Variants in CCDC6 observed in about 807,000 individuals in gnomAD.
The protein encoded by CCDC6 is coiled-coil domain containing 6.
A neutral mutation model predicts 56.6 loss-of-function variants in CCDC6; 20 were observed. That is an observed-to-expected ratio of 0.35 (90% confidence interval 0.25 to 0.51). The LOEUF is 0.51. CCDC6 is among the 20% of genes least tolerant of loss of function. The probability of loss-of-function intolerance (pLI) is 0.95; values close to 1 mark genes in which losing one functional copy is unlikely to be tolerated. For synonymous variants in CCDC6, 241 were observed against 234.4 expected, an observed-to-expected ratio of 1.03 and a Z score of -0.26; for missense variants, 367 against 601.1, an observed-to-expected ratio of 0.61 and a Z score of 4.07.
chr10:59,837,779 A>C (rs79758510), intron 2 of CCDC6, among the ~76,000 whole-genome samples: 39,333 of 140,022 alleles, frequency 0.28, 6,142 homozygotes, highest in Non-Finnish European at 0.36. Flanking sequence ...AAGAAAGAAG[A>C]AGAAGCTTGA....
chr10:59,856,341 T>C (rs1470322817), intron 1 of CCDC6, among the ~76,000 whole-genome samples: 2 of 108,354 alleles, frequency 1.8e-5, no homozygotes, highest in East Asian at 4.3e-4. Flanking sequence ...AATACAGCCT[T>C]AGGTAAAAAA....
At position 59,905,976 on chromosome 10, in the gene CCDC6, G is replaced by A. The variant is rs891179396; in HGVS notation, c.303+146C>T. On this transcript the variant is annotated intron_variant, in intron 1 of 8. Coordinates refer to ENST00000263102, the MANE Select transcript of CCDC6 (RefSeq NM_005436.5). ...CGAAGGGATACCTCCCTCTCCTCCC[G>A]GAAGCCAGCAGGTCCCCGCAGGGAG... The A allele has an allele frequency of 5.7e-6, 4 of 701,836 alleles. No homozygotes were observed. In the Admixed American group the frequency reaches 9.2e-5, roughly 16 times the overall value. 43.5% of individuals were successfully genotyped at this position (701,836 alleles called of 1,614,324 possible). A position where few individuals can be genotyped will look rare whatever the true frequency, so the allele number is the denominator to read the frequency against.
chr10:59,898,221 C>T (rs1254404537), intron 1 of CCDC6, among the ~76,000 whole-genome samples: 1 of 152,152 alleles, frequency 6.6e-6, no homozygotes, highest in Non-Finnish European at 1.5e-5. Context: ...TTTCCATGTA[C>T]TGACAGATGC....
intron 1 of CCDC6, among the ~76,000 whole-genome samples, chr10:59,859,190 ATGTGTGTGCGTGTGTGTGTGTGTG>A (rs2071103996): frequency 1.2e-5 from 1 of 83,988 alleles, no homozygotes; most frequent in Non-Finnish European, 2.1e-5. Flanking sequence ...AAAAAAATAC[ATGTGTGTGCGTGTGTGTGTGTGTG>A]TGTGTGTGTG....
chr10:59,822,907 A>AC (rs1475809871), intron 3 of CCDC6, among the ~76,000 whole-genome samples: 1 of 151,646 alleles, frequency 6.6e-6, no homozygotes, highest in Non-Finnish European at 1.5e-5. Context: ...TATAAAAAAA[A>AC]AACAACCCCA....
chr10:59,798,961 TCCAGCCTG>T (rs2070549014), intron 7 of CCDC6, among the ~76,000 whole-genome samples: 2 of 123,374 alleles, frequency 1.6e-5, no homozygotes, highest in African/African-American at 6.4e-5. Flanking sequence ...GCCACTGCAC[TCCAGCCTG>T]CGCGACAGAG....
chr10:59,882,024 C>CAGGGGCAGAAGGAAAGGAAAGCCG (rs1491423168), intron 1 of CCDC6, among the ~76,000 whole-genome samples: 1 of 48,254 alleles, frequency 2.1e-5, no homozygotes, highest in Non-Finnish European at 3.7e-5. Flanking sequence ...AAAGGAAAGC[C>CAGGGGCAGAAGGAAAGGAAAGCCG]GCGGGGAGAA....
chr10:59,884,005 T>C lies in CCDC6; in HGVS notation c.303+22117A>G, dbSNP rs1357910622. On this transcript the variant is annotated intron_variant, in intron 1 of 8. Transcript: ENST00000263102. ...GAGTGACCCATACAAACAGGAGACA[T>C]GTCTTTAATGGGCTCCAAAAACAGT... Among the ~76,000 whole-genome samples the C allele has an allele frequency of 3.9e-5, 6 of 152,204 alleles. No homozygotes were observed. The East Asian group carries it at 7.7e-4, about 20-fold the overall frequency.
At chr10:59,833,643 G>C (rs779654213) in intron 2 of CCDC6, among the ~76,000 whole-genome samples, 4 of 99,060 alleles carry the variant, frequency 4.0e-5, no homozygotes, top group South Asian at 3.7e-4. Context: ...TCTCAACTGG[G>C]GGGGGGGGGG....
At chr10:59,899,860 G>C (rs183085981) in intron 1 of CCDC6, among the ~76,000 whole-genome samples, 9 of 148,188 alleles carry the variant, frequency 6.1e-5, no homozygotes, top group Admixed American at 5.4e-4. Flanking sequence ...ATCACCCAAA[G>C]CTAGAAGGCA....
intron 1 of CCDC6, among the ~76,000 whole-genome samples, chr10:59,873,358 A>T (rs1203122835): frequency 6.6e-6 from 1 of 152,060 alleles, no homozygotes; most frequent in Admixed American, 6.6e-5. Flanking sequence ...ATACAAGGAG[A>T]AGATGACCAC....
At chr10:59,892,125 C>T (rs1347427322) in intron 1 of CCDC6, among the ~76,000 whole-genome samples, 5 of 152,210 alleles carry the variant, frequency 3.3e-5, no homozygotes, top group Non-Finnish European at 7.3e-5. Flanking sequence ...AGAAGTGGCA[C>T]TAGGGCGTTG....
intron 1 of CCDC6, among the ~76,000 whole-genome samples, chr10:59,877,202 G>A (rs537878555): frequency 3.9e-5 from 6 of 152,114 alleles, no homozygotes. Flanking sequence ...GCTCATTCAC[G>A]ATGGCAAAAC....
In CCDC6 at chr10:59,790,589, A is replaced by G; in HGVS notation, c.*2328T>C. 4.5e-6 allele frequency: 1 copy of G among 221,732 alleles called. No individual in the cohort carries two copies. The highest frequency in any genetic ancestry group is 9.0e-6 in the Non-Finnish European group (1 of 110,754). 13.7% of individuals were successfully genotyped at this position (221,732 alleles called of 1,614,324 possible). ...TAAAGGACACGAACCATCAAATTCA[A>G]AAGAGTAGTGTTTGTTCTATCAGTT... is the stretch of plus-strand genomic sequence containing the variant. On this transcript the variant is annotated 3_prime_UTR_variant, in exon 9 of 9. Coordinates refer to ENST00000263102, the MANE Select transcript of CCDC6 (RefSeq NM_005436.5).
At chr10:59,857,673 A>G (rs1362551842) in intron 1 of CCDC6, among the ~76,000 whole-genome samples, 1 of 151,374 alleles carries the variant, frequency 6.6e-6, no homozygotes, top group Non-Finnish European at 1.5e-5. Context: ...ACATTTGCAC[A>G]GATTTTTTTT....
chr10:59,903,029 G>A lies in CCDC6; in HGVS notation c.303+3093C>T, dbSNP rs73265443. Among the ~76,000 whole-genome samples, 586 of 152,274 alleles carry A rather than the reference G, an allele frequency of 3.8e-3. 3 individuals carry two copies. Among genetic ancestry groups the A allele is most frequent in the African/African-American group, 0.013 (554 of 41,554 alleles). On this transcript the variant is annotated intron_variant, in intron 1 of 8. Coordinates refer to ENST00000263102, the MANE Select transcript of CCDC6 (RefSeq NM_005436.5). ...CAAGATATAGGAGTTGGGGAACATG[G>A]AAGAAACTTAAATGCATTTACTAAG... is the stretch of plus-strand genomic sequence containing the variant.
chr10:59,818,051 G>T (rs1347937135), intron 3 of CCDC6, among the ~76,000 whole-genome samples: 3 of 152,040 alleles, frequency 2.0e-5, no homozygotes, highest in Non-Finnish European at 4.4e-5. Context: ...AAAATTGCTG[G>T]GTCCTGTCCA....
intron 2 of CCDC6, among the ~76,000 whole-genome samples, chr10:59,833,317 C>A (rs1158800039): frequency 6.6e-6 from 1 of 152,120 alleles, no homozygotes; most frequent in Admixed American, 6.5e-5. Flanking sequence ...GGCGTGGTGA[C>A]AGGCACCTGT....
At chr10:59,807,730 T>C (rs979849327) in intron 5 of CCDC6, among the ~76,000 whole-genome samples, 26 of 152,146 alleles carry the variant, frequency 1.7e-4, no homozygotes, top group Admixed American at 1.4e-3. Context: ...AGCTCTTCTC[T>C]ACATTGCCAG....
Sources: allele counts gnomAD v4.1 joint callset (sites outside exome capture counted in the v4.1 genomes callset), GRCh38; gene constraint gnomAD v4.1.1; transcripts MANE v1.5; gene names NCBI Gene and HGNC (gene_info 2026-07-23, HGNC 2026-07-21).